RASAL2: variants seen among roughly 807,000 people sequenced by gnomAD.
The protein encoded by RASAL2 is RAS protein activator like 2.
A neutral mutation model predicts 128.9 loss-of-function variants in RASAL2; 58 were observed. That is an observed-to-expected ratio of 0.45 (90% CI 0.36 to 0.56). The LOEUF (loss-of-function observed/expected upper bound fraction) is 0.56, where lower values mean the gene tolerates loss of function less well. Ranked by LOEUF, RASAL2 falls within the 20% of genes least tolerant of loss-of-function variation. RASAL2 has a pLI of 0.00. For synonymous variants in RASAL2, 561 were observed against 580.8 expected, an observed-to-expected ratio of 0.97 and a Z score of 0.49; for missense variants, 1,360 against 1,601.6, an observed-to-expected ratio of 0.85 and a Z score of 2.57.
At chr1:178,150,648 ATC>A (rs1462232700) in intron 1 of RASAL2, among the ~76,000 whole-genome samples, 2 of 152,190 alleles carry the variant, frequency 1.3e-5, no homozygotes, top group African/African-American at 4.8e-5. Context: ...CTGTGGGATT[ATC>A]TGTTTGTATA....
Position 178,476,884 on chromosome 1 carries a change from C to T in RASAL2, c.*3645C>T, listed in dbSNP as rs1648711039. The T allele has an allele frequency of 6.6e-6, 1 of 152,132 alleles. No individual in the cohort carries two copies. The highest frequency in any genetic ancestry group is 6.6e-5 in the Admixed American group (1 of 15,266). 9.4% of individuals were successfully genotyped at this position (152,132 alleles called of 1,614,324 possible). A position where few individuals can be genotyped will look rare whatever the true frequency, so the allele number is the denominator to read the frequency against. On this transcript the variant is annotated 3_prime_UTR_variant, in exon 18 of 18. Coordinates refer to ENST00000367649, the MANE Select transcript of RASAL2 (RefSeq NM_170692.4). ...AACTGCCATCAAGTGAGTTTGCATTCGTATTTGTTTCCCCTTCCATAGAGG... is the reference window on the plus strand; with the variant it reads ...AACTGCCATCAAGTGAGTTTGCATTTGTATTTGTTTCCCCTTCCATAGAGG...
chr1:178,209,527 T>C (rs901501572), intron 1 of RASAL2, among the ~76,000 whole-genome samples: 27 of 152,160 alleles, frequency 1.8e-4, no homozygotes, highest in Admixed American at 6.6e-5. Flanking sequence ...TATATTCACC[T>C]CTCTTTTGAA....
At chr1:178,265,919 A>G (rs892933802) in intron 1 of RASAL2, among the ~76,000 whole-genome samples, 1 of 152,166 alleles carries the variant, frequency 6.6e-6, no homozygotes, top group Admixed American at 6.5e-5. Context: ...AGTCAAACAT[A>G]TTGTTTTCTA....
intron 3 of RASAL2, among the ~76,000 whole-genome samples, chr1:178,323,337 C>T (rs569348301): frequency 3.9e-4 from 59 of 152,230 alleles, no homozygotes; most frequent in African/African-American, 1.3e-3. Context: ...ATGAGACATA[C>T]TAGAGAAACT....
rs573200380 is a variant in RASAL2 at position 178,452,328 on chromosome 1, CA to C, written c.1773-84del. ...TCCTCCTCACAGCCTGACTCTTAAG[CA>C]AAAGTATATTGGGTCAGGGTGGAAT... On this transcript the variant is annotated intron_variant, in intron 10 of 17. Coordinates refer to ENST00000367649, the MANE Select transcript of RASAL2 (RefSeq NM_170692.4). 3.4e-6 allele frequency: 4 copies of C among 1,165,738 alleles called. No individual in the cohort carries two copies. In the South Asian group the frequency reaches 4.1e-5, roughly 12 times the overall value. The allele number at this position is 1,165,738 out of a possible 1,614,324, so 72.2% of individuals were successfully genotyped here. A position where few individuals can be genotyped will look rare whatever the true frequency, so the allele number is the denominator to read the frequency against.
Position 178,420,536 on chromosome 1 carries a change from G to A in RASAL2, c.590G>A (p.Gly197Asp), listed in dbSNP as rs767193522. ...VPGFFSKRLK[G>D]SIKRTKSQSK... ...GGATTCTTCAGCAAGCGCCTGAAAGGCTCCATCAAGAGGACCAAAAGCCAG... is the reference window on the plus strand; with the variant it reads ...GGATTCTTCAGCAAGCGCCTGAAAGACTCCATCAAGAGGACCAAAAGCCAG... Residue 197 changes from glycine (G) to aspartate (D), a missense_variant, in exon 5 of 18, where the codon GGC becomes GAC. By Grantham distance (94) the Gly-to-Asp change is moderately conservative. Coordinates refer to ENST00000367649, the MANE Select transcript of RASAL2 (RefSeq NM_170692.4). The A allele has an allele frequency of 4.8e-5, 77 of 1,612,352 alleles. No individual in the cohort carries two copies. Among genetic ancestry groups the A allele is most frequent in the Non-Finnish European group, 2.3e-5 (27 of 1,179,122 alleles).
In RASAL2 at chr1:178,233,500, G is replaced by T. The variant is rs1032099571; in HGVS notation, c.203-50064G>T. ...GCTTATCGGTGGCAGAGACATCCGA[G>T]TTTTAGGTGGAAAGGGAACAAAAGG... On this transcript the variant is annotated intron_variant, in intron 1 of 17. Coordinates refer to ENST00000367649, the MANE Select transcript of RASAL2 (RefSeq NM_170692.4). 1.1e-4 allele frequency among the ~76,000 whole-genome samples: 16 copies of T among 152,214 alleles called. 1 individual carries two copies. Among genetic ancestry groups the T allele is most frequent in the Admixed American group, 1.0e-3 (16 of 15,284 alleles).
At chr1:178,437,882 CTTTT>C (rs1226149114) in intron 5 of RASAL2, among the ~76,000 whole-genome samples, 1 of 151,604 alleles carries the variant, frequency 6.6e-6, no homozygotes, top group East Asian at 1.9e-4. Flanking sequence ...TTATATTTTT[CTTTT>C]TTGTTTTTTT....
chr1:178,205,581 C>A (rs1005442601), intron 1 of RASAL2, among the ~76,000 whole-genome samples: 1 of 151,966 alleles, frequency 6.6e-6, no homozygotes. Context: ...ATGGTGAAAC[C>A]CTGTCTCTAC....
At chr1:178,285,214 G>A (rs902973542) in intron 2 of RASAL2, among the ~76,000 whole-genome samples, 1 of 144,486 alleles carries the variant, frequency 6.9e-6, no homozygotes, top group Non-Finnish European at 1.5e-5. Context: ...TCCGCTTCCC[G>A]GGTTCACGCC....
intron 1 of RASAL2, among the ~76,000 whole-genome samples, chr1:178,122,810 T>TA (rs1308856280): frequency 6.7e-6 from 1 of 148,310 alleles, no homozygotes. Flanking sequence ...CTATTCATCA[T>TA]AAAATGAATC....
intron 1 of RASAL2, among the ~76,000 whole-genome samples, chr1:178,194,980 T>C (rs953191200): frequency 6.6e-6 from 1 of 152,220 alleles, no homozygotes; most frequent in African/African-American, 2.4e-5. Context: ...GTTTGAGTGA[T>C]TTAAGAATTT....
At chr1:178,423,853 G>A (rs984917052) in intron 5 of RASAL2, among the ~76,000 whole-genome samples, 1 of 151,994 alleles carries the variant, frequency 6.6e-6, no homozygotes, top group Non-Finnish European at 1.5e-5. Flanking sequence ...TATTTCTTAT[G>A]ATTTGGAATA....
In RASAL2 at chr1:178,300,029, C is replaced by G. The variant is rs779553849; in HGVS notation, c.368C>G (p.Ser123Cys). 10 of 1,613,828 alleles carry G rather than the reference C, an allele frequency of 6.2e-6. No individual in the cohort carries two copies. The African/African-American group carries it at 8.0e-5, about 13-fold the overall frequency. The change falls in exon 3 of 18, where the codon TCC becomes TGC. Residue 123 changes from serine (S) to cysteine (C), a missense_variant. Ser to Cys is a moderately radical substitution (Grantham distance 112). Around this residue, in one of 3 missense-constraint regions of RASAL2, gnomAD observed 617 missense variants for 714.2 expected, o/e 0.86. Transcript: ENST00000367649. ...GGGGGACAGGAGCAGCAGACAGATT[C>G]CACCAAAGGGCGATGCCTGAGGAGA... ...VEGGQEQQTD[S>C]TKGRCLRRTV...
intron 1 of RASAL2, among the ~76,000 whole-genome samples, chr1:178,239,249 G>A (rs1473334458): frequency 6.6e-6 from 1 of 152,016 alleles, no homozygotes; most frequent in Non-Finnish European, 1.5e-5. Flanking sequence ...AAACTAAAGA[G>A]TATTTTGAAA....
chr1:178,384,650 T>C (rs1672454263), intron 3 of RASAL2, among the ~76,000 whole-genome samples: 1 of 146,914 alleles, frequency 6.8e-6, no homozygotes, highest in Admixed American at 6.9e-5. Context: ...CTTGGGAGAC[T>C]GAGTCCATGT....
chr1:178,209,833 C>T (rs922911219), intron 1 of RASAL2, among the ~76,000 whole-genome samples: 2 of 151,746 alleles, frequency 1.3e-5, no homozygotes, highest in Non-Finnish European at 2.9e-5. Context: ...TAATTTCTGC[C>T]TGTTTTAGGG....
At chr1:178,425,902 G>A (rs1313951217) in intron 5 of RASAL2, among the ~76,000 whole-genome samples, 1 of 152,120 alleles carries the variant, frequency 6.6e-6, no homozygotes, top group Non-Finnish European at 1.5e-5. Context: ...CTGTTCTTAA[G>A]GAAAGAGAGA....
chr1:178,390,069 A>G (rs1463121260), intron 3 of RASAL2, 31 bp from the exon 4 acceptor site: 2 of 1,467,398 alleles, frequency 1.4e-6, no homozygotes, highest in East Asian at 4.6e-5. Context: ...GGGGTTCTTA[A>G]TGATGTTTCA....
Sources: allele counts gnomAD v4.1 joint callset (sites outside exome capture counted in the v4.1 genomes callset), GRCh38; gene constraint gnomAD v4.1.1; regional missense constraint gnomAD v4.1.1; transcripts MANE v1.5; gene names NCBI Gene and HGNC (gene_info 2026-07-23, HGNC 2026-07-21).